DNER: variants seen among roughly 807,000 people sequenced by gnomAD.
DNER encodes delta and Notch-like epidermal growth factor-related receptor.
In DNER, 33 loss-of-function variants were observed where a neutral mutation model predicts 78.2. The observed-to-expected ratio is 0.42, with a 90% CI of 0.32 to 0.56. The LOEUF (loss-of-function observed/expected upper bound fraction) is 0.56. Among genes scored for constraint, DNER ranks in the 20% least tolerant of loss-of-function variants. DNER has a pLI of 0.11. For missense variants in DNER, 918 were observed against 975.3 expected, an observed-to-expected ratio of 0.94 and a Z score of 0.78; for synonymous variants, 417 against 384.8, an observed-to-expected ratio of 1.08 and a Z score of -0.98.
Position 229,547,040 on chromosome 2 carries a change from C to A in DNER, c.900G>T (p.Leu300=), listed in dbSNP as rs779622861. The A allele has an allele frequency of 2.5e-6, 4 of 1,614,036 alleles. 1 individual carries two copies. The South Asian group carries it at 4.4e-5, about 18-fold the overall frequency. ...TKSIVALRLT[L]VVKVSTCVPG... ...GCACACAGGTGCTGACCTTCACCAC[C>A]AGAGTTAAGCGCAAAGCCACAATAG... is the stretch of plus-strand genomic sequence containing the variant. Residue 300 remains leucine, a synonymous_variant, in exon 5 of 13, where the codon CTG becomes CTT. Transcript: ENST00000341772.
At chr2:229,553,514 C>A (rs1696789468) in intron 4 of DNER, among the ~76,000 whole-genome samples, 1 of 152,136 alleles carries the variant, frequency 6.6e-6, no homozygotes, top group Non-Finnish European at 1.5e-5. Flanking sequence ...AGGGATAAGA[C>A]CCAAAATGGA....
At chr2:229,376,338 C>G (rs1692600212) in intron 11 of DNER, among the ~76,000 whole-genome samples, 2 of 152,066 alleles carry the variant, frequency 1.3e-5, no homozygotes, top group Non-Finnish European at 2.9e-5. Context: ...AAGACACTGC[C>G]AGAAGGCCCT....
chr2:229,713,769 G>A (rs1574581862), intron 1 of DNER, among the ~76,000 whole-genome samples: 1 of 152,210 alleles, frequency 6.6e-6, no homozygotes, highest in South Asian at 2.1e-4. Context: ...ACACCTCGCC[G>A]GGGACGCTCG....
intron 1 of DNER, among the ~76,000 whole-genome samples, chr2:229,669,752 T>C (rs10188714): frequency 0.21 from 31,492 of 152,158 alleles, 5,662 homozygotes; most frequent in African/African-American, 0.49. Context: ...TTTTTGCACA[T>C]TGATTTTGAG....
At chr2:229,414,933 C>T (rs1693612227) in intron 9 of DNER, among the ~76,000 whole-genome samples, 1 of 152,152 alleles carries the variant, frequency 6.6e-6, no homozygotes, top group African/African-American at 2.4e-5. Flanking sequence ...GAGGCCAAGA[C>T]AGGTGGATCA....
At chr2:229,442,165 C>G (rs996015681) in intron 8 of DNER, among the ~76,000 whole-genome samples, 16 of 152,224 alleles carry the variant, frequency 1.1e-4, no homozygotes, top group African/African-American at 3.6e-4. Flanking sequence ...CAATCTACAA[C>G]TCTCAAGAAT....
chr2:229,579,214 T>C (rs1175047061), intron 4 of DNER, among the ~76,000 whole-genome samples: 1 of 152,170 alleles, frequency 6.6e-6, no homozygotes, highest in African/African-American at 2.4e-5. Flanking sequence ...TAGCTGCTTC[T>C]TCATCTGAAT....
chr2:229,379,509 A>AT (rs1338627158), intron 11 of DNER, among the ~76,000 whole-genome samples: 2 of 152,082 alleles, frequency 1.3e-5, no homozygotes, highest in Non-Finnish European at 2.9e-5. Flanking sequence ...TAAACTTTAG[A>AT]TTTTTTACAA....
intron 1 of DNER, among the ~76,000 whole-genome samples, chr2:229,696,457 T>G (rs1278004310): frequency 6.6e-6 from 1 of 152,200 alleles, no homozygotes; most frequent in Non-Finnish European, 1.5e-5. Flanking sequence ...GCATAATTAT[T>G]TTTTCAACTT....
In DNER at chr2:229,482,096, C is replaced by A. The variant is rs73103751; in HGVS notation, c.1148-4843G>T. Among the ~76,000 whole-genome samples the A allele has an allele frequency of 9.1e-3, 1,384 of 152,348 alleles. 19 individuals are homozygous for A. Among genetic ancestry groups the A allele is most frequent in the African/African-American group, 0.031 (1,305 of 41,584 alleles). On this transcript the variant is annotated intron_variant, in intron 6 of 12. Transcript: ENST00000341772. The stretch of plus-strand genomic sequence containing the variant: ...CCAAATGACGAAAGTCTATACCTAA[C>A]CATGGAGGCAAGTATCAGCAATTGT...
At chr2:229,586,508 TAA>T (rs555047737) in intron 3 of DNER, among the ~76,000 whole-genome samples, 1 of 13,484 alleles carries the variant, frequency 7.4e-5, no homozygotes, top group African/African-American at 2.7e-4. Flanking sequence ...TCATTTTTGG[TAA>T]AAAAAAAAAA....
intron 1 of DNER, among the ~76,000 whole-genome samples, chr2:229,629,886 AT>A (rs1365425390): frequency 4.6e-5 from 7 of 152,178 alleles, no homozygotes; most frequent in Non-Finnish European, 8.8e-5. Context: ...TAACTTGGGC[AT>A]TTTCAGAAAG....
intron 11 of DNER, among the ~76,000 whole-genome samples, chr2:229,372,367 C>T (rs1043128530): frequency 3.9e-5 from 6 of 152,186 alleles, no homozygotes; most frequent in South Asian, 2.1e-4. Flanking sequence ...GGAGCCCTTA[C>T]GGAGTTAGGT....
At chr2:229,519,745 G>A (rs1696057590) in intron 5 of DNER, among the ~76,000 whole-genome samples, 1 of 152,172 alleles carries the variant, frequency 6.6e-6, no homozygotes, top group Non-Finnish European at 1.5e-5. Context: ...CATCTGCTAG[G>A]TCAAAACTCT....
At chr2:229,479,164 C>T (rs950369329) in intron 6 of DNER, among the ~76,000 whole-genome samples, 3 of 152,084 alleles carry the variant, frequency 2.0e-5, no homozygotes, top group Admixed American at 6.6e-5. Flanking sequence ...TTTATGGCTG[C>T]GTAGTATTCC....
intron 9 of DNER, among the ~76,000 whole-genome samples, chr2:229,416,815 C>A (rs1559345901): frequency 6.6e-6 from 1 of 152,126 alleles, no homozygotes; most frequent in Non-Finnish European, 1.5e-5. Context: ...CTTATTGAGC[C>A]ATCCCTAGCA....
At chr2:229,520,363 A>G (rs1449442741) in intron 5 of DNER, among the ~76,000 whole-genome samples, 4 of 152,180 alleles carry the variant, frequency 2.6e-5, no homozygotes, top group Admixed American at 2.6e-4. Flanking sequence ...CAGGCCCCTA[A>G]CTCTGAAAAC....
intron 1 of DNER, among the ~76,000 whole-genome samples, chr2:229,619,410 C>T (rs72991639): frequency 0.022 from 3,349 of 152,010 alleles, 49 homozygotes; most frequent in Middle Eastern, 0.034. Context: ...AAAACCAGCT[C>T]AGTGATGTAA....
At chr2:229,459,796 G>A (rs751384024) in intron 7 of DNER, among the ~76,000 whole-genome samples, 29 of 151,636 alleles carry the variant, frequency 1.9e-4, no homozygotes, top group Non-Finnish European at 4.1e-4. Flanking sequence ...CTGTAATCCC[G>A]GCTACTCAGG....
Sources: gnomAD v4.1 joint callset for allele counts (sites outside exome capture counted in the v4.1 genomes callset) on GRCh38, gnomAD v4.1.1 for gene constraint, MANE v1.5 for transcripts, NCBI Gene and HGNC (gene_info 2026-07-23, HGNC 2026-07-21) for gene names.